The following ELP4 variants were observed in gnomAD, a reference collection of about 807,000 sequenced individuals.
ELP4 encodes elongator acetyltransferase complex subunit 4.
ELP4 carries 51 observed loss-of-function variants against 48.9 expected under a neutral mutation model. The observed-to-expected ratio is 1.04, with a 90% CI of 0.83 to 1.32. The LOEUF is 1.32. Ranked by LOEUF, ELP4 falls within the 40% of genes most tolerant of loss-of-function variation. ELP4 has a pLI of 0.00. For missense variants in ELP4, 519 were observed against 514.6 expected, an observed-to-expected ratio of 1.01 and a Z score of -0.08; for synonymous variants, 210 against 189.2, an observed-to-expected ratio of 1.11 and a Z score of -0.90.
intron 9 of ELP4, among the ~76,000 whole-genome samples, chr11:31,727,509 A>G (rs1482224320): frequency 6.6e-6 from 1 of 152,168 alleles, no homozygotes; most frequent in East Asian, 1.9e-4. Flanking sequence ...AACTGCTAAG[A>G]GGGCCAAGCC....
chr11:31,575,419 A>C (rs1339133974), intron 3 of ELP4, among the ~76,000 whole-genome samples: 2 of 152,176 alleles, frequency 1.3e-5, no homozygotes, highest in East Asian at 1.9e-4. Context: ...GCCAACATTC[A>C]AATTCAGGAA....
chr11:31,670,520 G>A (rs1945786140), intron 9 of ELP4, among the ~76,000 whole-genome samples: 1 of 152,096 alleles, frequency 6.6e-6, no homozygotes, highest in South Asian at 2.1e-4. Context: ...CCTTCTAACT[G>A]TTACATAATA....
intron 7 of ELP4, 171 bp from the exon 8 acceptor site, chr11:31,647,570 G>C: frequency 2.0e-6 from 1 of 495,450 alleles, no homozygotes; most frequent in African/African-American, 2.0e-5. Context: ...TTCAATTAAG[G>C]GCATATTTCC....
At chr11:31,757,006 G>A (rs764038344) in intron 9 of ELP4, among the ~76,000 whole-genome samples, 6 of 152,146 alleles carry the variant, frequency 3.9e-5, no homozygotes, top group South Asian at 2.1e-4. Flanking sequence ...TAACTTCTTC[G>A]CCATCTTTAA....
chr11:31,685,365 A>G lies in ELP4; in HGVS notation c.1143+35144A>G, dbSNP rs532757461. On this transcript the variant is annotated intron_variant, in intron 9 of 9. Coordinates refer to ENST00000640961, the MANE Select transcript of ELP4 (RefSeq NM_019040.5). ...ACTCCGTCTCAAAACAACAACAACA[A>G]CAAAATAGCAAAGGAAATTTAATTG... is the stretch of plus-strand genomic sequence containing the variant. Among the ~76,000 whole-genome samples, 6 of 152,148 alleles carry G rather than the reference A, an allele frequency of 3.9e-5. No homozygotes were observed. The East Asian group carries it at 1.2e-3, about 29-fold the overall frequency.
intron 6 of ELP4, among the ~76,000 whole-genome samples, chr11:31,630,008 G>A (rs1944827347): frequency 6.6e-6 from 1 of 151,614 alleles, no homozygotes; most frequent in Admixed American, 6.6e-5. Flanking sequence ...CTAAGCCCTG[G>A]TACATCTCAT....
intron 9 of ELP4, among the ~76,000 whole-genome samples, chr11:31,755,658 T>C (rs1947817894): frequency 1.3e-5 from 2 of 150,604 alleles, no homozygotes; most frequent in African/African-American, 4.9e-5. Flanking sequence ...TGAGGAAAAA[T>C]TGAGGAATTG....
intron 3 of ELP4, among the ~76,000 whole-genome samples, chr11:31,575,121 G>T (rs1245839295): frequency 6.6e-6 from 1 of 152,186 alleles, no homozygotes; most frequent in Non-Finnish European, 1.5e-5. Flanking sequence ...GAAAACCATG[G>T]CACGAGAACT....
chr11:31,611,519 T>C (rs1957979170), intron 5 of ELP4, among the ~76,000 whole-genome samples: 1 of 152,070 alleles, frequency 6.6e-6, no homozygotes, highest in Admixed American at 6.6e-5. Context: ...CTCATTGAGG[T>C]TGGGGAAAGG....
chr11:31,567,079 C>T (rs367855614), intron 3 of ELP4, among the ~76,000 whole-genome samples: 14 of 151,708 alleles, frequency 9.2e-5, no homozygotes, highest in South Asian at 4.2e-4. Context: ...TACAGGCATG[C>T]GCCACCACCG....
intron 9 of ELP4, chr11:31,654,280 C>A (rs1463251875): frequency 1.3e-5 from 2 of 151,502 alleles, no homozygotes; most frequent in Admixed American, 6.6e-5. Context: ...TAAAGACTTA[C>A]AATATTTACT....
intron 9 of ELP4, among the ~76,000 whole-genome samples, chr11:31,756,902 G>A (rs1276822660): frequency 6.6e-6 from 1 of 152,146 alleles, no homozygotes; most frequent in East Asian, 1.9e-4. Context: ...CGGCATAAAC[G>A]ATGGCTGATA....
intron 2 of ELP4, among the ~76,000 whole-genome samples, chr11:31,537,272 G>C (rs1281581345): frequency 1.3e-5 from 2 of 152,068 alleles, no homozygotes; most frequent in African/African-American, 4.8e-5. Flanking sequence ...AGGACCATTT[G>C]TTACAAAAAA....
intron 2 of ELP4, among the ~76,000 whole-genome samples, chr11:31,524,829 A>C (rs945967176): frequency 6.6e-6 from 1 of 152,134 alleles, no homozygotes; most frequent in Non-Finnish European, 1.5e-5. Flanking sequence ...ACAAAAAAAT[A>C]CAAAAATTAA....
chr11:31,589,084 A>G (rs1358724373), intron 3 of ELP4, among the ~76,000 whole-genome samples: 2 of 152,208 alleles, frequency 1.3e-5, no homozygotes, highest in Non-Finnish European at 2.9e-5. Flanking sequence ...GGATAGAGAA[A>G]GATTAGCACA....
At chr11:31,593,227 C>CGTTGT (rs1957614581) in intron 3 of ELP4, among the ~76,000 whole-genome samples, 2 of 149,910 alleles carry the variant, frequency 1.3e-5, no homozygotes, top group African/African-American at 2.5e-5. Flanking sequence ...GTGAATAATA[C>CGTTGT]TGTTGTTGTT....
intron 9 of ELP4, among the ~76,000 whole-genome samples, chr11:31,777,255 TC>T (rs1332462071): frequency 6.6e-6 from 1 of 152,096 alleles, no homozygotes. Flanking sequence ...ACATAGTCTG[TC>T]TCCTCCCCTC....
At chr11:31,575,234 T>A (rs1273630852) in intron 3 of ELP4, among the ~76,000 whole-genome samples, 1 of 152,050 alleles carries the variant, frequency 6.6e-6, no homozygotes, top group African/African-American at 2.4e-5. Context: ...AAGAGAAGTT[T>A]AGAGAAAAAA....
At chr11:31,731,727 G>T (rs1222295306) in intron 9 of ELP4, among the ~76,000 whole-genome samples, 1 of 151,954 alleles carries the variant, frequency 6.6e-6, no homozygotes, top group African/African-American at 2.4e-5. Flanking sequence ...TCCCAAAGAA[G>T]ATGAATCCAA....
Sources: gnomAD v4.1 joint callset for allele counts (sites outside exome capture counted in the v4.1 genomes callset) on GRCh38, gnomAD v4.1.1 for gene constraint, MANE v1.5 for transcripts, NCBI Gene and HGNC (gene_info 2026-07-23, HGNC 2026-07-21) for gene names.